MAU2: variants seen among roughly 807,000 people sequenced by gnomAD.
MAU2 encodes the protein MAU2 sister chromatid cohesion factor.
A neutral mutation model predicts 89.1 loss-of-function variants in MAU2; 9 were observed. That is an observed-to-expected ratio of 0.10 (90% confidence interval 0.06 to 0.18). MAU2 has a LOEUF of 0.18. MAU2 is among the 10% of genes least tolerant of loss of function. The pLI, the probability that MAU2 is intolerant of heterozygous loss-of-function variation, is 1.00. For missense variants in MAU2, 425 were observed against 803.5 expected (o/e 0.53, Z 5.69); for synonymous variants, 357 against 343.4 (o/e 1.04, Z -0.44).
At chr19:19,355,199 C>G (rs2048163677) in intron 17 of MAU2, 65 bp from the exon 18 acceptor site, 1 of 1,603,400 alleles carries the variant, frequency 6.2e-7, no homozygotes, top group African/African-American at 1.3e-5. Context: ...TCCATCTGCA[C>G]CGAGTGGGAG....
chr19:19,355,826 C>A lies in MAU2; in HGVS notation c.*44C>A. 6.5e-7 allele frequency: 1 copy of A among 1,549,752 alleles called. No individual in the cohort carries two copies. The highest frequency in any genetic ancestry group is 1.1e-5 in the South Asian group (1 of 90,082). On this transcript the variant is annotated 3_prime_UTR_variant, in exon 19 of 19. Coordinates refer to ENST00000262815, the MANE Select transcript of MAU2 (RefSeq NM_015329.4). ...CAGCTCCGCAGGGCCTGCGCGTCTCCGGCTTCCACCCAGACGGCACTCAAG... is the reference window on the plus strand; with the variant it reads ...CAGCTCCGCAGGGCCTGCGCGTCTCAGGCTTCCACCCAGACGGCACTCAAG...
rs560689514 is a variant in MAU2 at position 19,326,702 on chromosome 19, G to GTATATA, written c.276+5580_276+5585dup. ...CTGTCTCAAAAAAAAATATATATAT[G>GTATATA]TATATATATATATATATACATATAT... is the stretch of plus-strand genomic sequence containing the variant. On this transcript the variant is annotated intron_variant, in intron 1 of 18. Transcript: ENST00000262815. 6.1e-4 allele frequency among the ~76,000 whole-genome samples: 30 copies of GTATATA among 49,202 alleles called. 2 individuals are homozygous for GTATATA. The highest frequency in any genetic ancestry group is 1.2e-3 in the Non-Finnish European group (24 of 20,072). The allele number at this position is 49,202 out of a possible 152,430, so 32.3% of individuals were successfully genotyped here.
At chr19:19,354,582 G>T in intron 17 of MAU2, 137 bp downstream of exon 17, 1 of 737,950 alleles carries the variant, frequency 1.4e-6, no homozygotes, top group Non-Finnish European at 2.3e-6. Context: ...GCATGGGTAG[G>T]GGGTGCTCCT....
chr19:19,331,039 C>T (rs925680823), intron 1 of MAU2, among the ~76,000 whole-genome samples: 1 of 152,126 alleles, frequency 6.6e-6, no homozygotes, highest in African/African-American at 2.4e-5. Flanking sequence ...AACCTGTTGG[C>T]CCTGTTGCAA....
At chr19:19,349,041 T>G in intron 14 of MAU2, 103 bp downstream of exon 14, 2 of 1,552,548 alleles carry the variant, frequency 1.3e-6, no homozygotes, top group South Asian at 2.3e-5. Context: ...ATACCCCTCC[T>G]CACAGACAGT....
chr19:19,334,413 C>T, intron 1 of MAU2: 1 of 985,744 alleles, frequency 1.0e-6, no homozygotes. Context: ...GCAGTAGCTG[C>T]TCTCGATGCA....
At chr19:19,324,543 A>G (rs1265499257) in intron 1 of MAU2, among the ~76,000 whole-genome samples, 1 of 152,204 alleles carries the variant, frequency 6.6e-6, no homozygotes, top group Non-Finnish European at 1.5e-5. Context: ...GGCAGTGGCT[A>G]ATAGTCACTG....
At chr19:19,351,168 G>C (rs1292627455) in intron 16 of MAU2, among the ~76,000 whole-genome samples, 2 of 151,890 alleles carry the variant, frequency 1.3e-5, no homozygotes, top group Admixed American at 1.3e-4. Flanking sequence ...TCCCACCTCA[G>C]CCTCCCAAGT....
intron 5 of MAU2, among the ~76,000 whole-genome samples, chr19:19,339,983 G>A (rs2061628131): frequency 6.6e-6 from 1 of 151,418 alleles, no homozygotes; most frequent in Admixed American, 6.6e-5. Context: ...CCTGTGAATG[G>A]TGAAACCCCG....
rs370816857 is a variant in MAU2 at position 19,356,428 on chromosome 19, G to A, written c.*646G>A. The A allele has an allele frequency of 7.6e-6, 2 of 263,180 alleles. No individual in the cohort carries two copies. Among genetic ancestry groups the A allele is most frequent in the South Asian group, 7.9e-5 (2 of 25,374 alleles). The allele number at this position is 263,180 out of a possible 1,614,324, so 16.3% of individuals were successfully genotyped here. On this transcript the variant is annotated 3_prime_UTR_variant, in exon 19 of 19. Coordinates refer to ENST00000262815, the MANE Select transcript of MAU2 (RefSeq NM_015329.4). ...GCACCTTGACCGGACTCGCCATCCC[G>A]CCGTGGGGGTGCAGGTGATTGTAAA...
At chr19:19,344,952 G>C (rs374459100) in intron 11 of MAU2, 26 bp downstream of exon 11, 1 of 1,606,508 alleles carries the variant, frequency 6.2e-7, no homozygotes, top group Non-Finnish European at 8.5e-7. Flanking sequence ...ACAACACCCC[G>C]GGAGAATCCA....
intron 16 of MAU2, among the ~76,000 whole-genome samples, chr19:19,352,064 G>A (rs912867537): frequency 6.6e-6 from 1 of 151,930 alleles, no homozygotes; most frequent in African/African-American, 2.4e-5. Flanking sequence ...GGCCAGGCTT[G>A]TCTCAAACTC....
At chr19:19,350,849 G>A (rs1324236289) in intron 16 of MAU2, among the ~76,000 whole-genome samples, 3 of 150,070 alleles carry the variant, frequency 2.0e-5, no homozygotes, top group Admixed American at 6.7e-5. Flanking sequence ...GCAGTGAGCC[G>A]AGATCCCACC....
rs372092931 is a variant in MAU2, at chr19:19,347,273, A to C, written c.1222-7A>C. ...CAGCCCCCTAATGTCCCCGCCTCCCATTCCAGCTCACCAACCACCAGGAGC... is the reference window on the plus strand; with the variant it reads ...CAGCCCCCTAATGTCCCCGCCTCCCCTTCCAGCTCACCAACCACCAGGAGC... On this transcript the variant is annotated splice_polypyrimidine_tract_variant and splice_region_variant and intron_variant, in intron 12 of 18. Coordinates refer to ENST00000262815, the MANE Select transcript of MAU2 (RefSeq NM_015329.4). 6.2e-7 allele frequency: 1 copy of C among 1,611,778 alleles called. No individual in the cohort carries two copies. Among genetic ancestry groups the C allele is most frequent in the Non-Finnish European group, 8.5e-7 (1 of 1,178,110 alleles).
intron 1 of MAU2, among the ~76,000 whole-genome samples, chr19:19,326,706 A>ATATATATATACACGTG (rs1555792839): frequency 1.1e-5 from 1 of 86,986 alleles, no homozygotes; most frequent in Non-Finnish European, 2.6e-5. Context: ...ATATATGTAT[A>ATATATATATACACGTG]TATATATATA....
chr19:19,320,915 C>G lies in MAU2; in HGVS notation c.56C>G (p.Ala19Gly). Residue 19 changes from alanine to glycine, a missense_variant, in exon 1 of 19, where the codon GCC (alanine) becomes GGC (glycine). By Grantham distance (60) the Ala-to-Gly change is moderately conservative. Coordinates refer to ENST00000262815, the MANE Select transcript of MAU2 (RefSeq NM_015329.4). Reference protein sequence around the residue: ...AQAAAAQAAQAEAADSWYLAL... With the variant: ...AQAAAAQAAQGEAADSWYLAL... ...GCGGCGGCGGCCCAGGCTGCGCAGG[C>G]CGAGGCGGCCGACTCGTGGTACCTG... 6.4e-7 allele frequency: 1 copy of G among 1,556,308 alleles called. No individual in the cohort carries two copies.
At chr19:19,347,429 G>GACAACCCCC in intron 13 of MAU2, 63 bp downstream of exon 13, 1 of 1,383,390 alleles carries the variant, frequency 7.2e-7, no homozygotes, top group Non-Finnish European at 1.0e-6. Flanking sequence ...GGGGAACCAG[G>GACAACCCCC]GGGTTGTCCT....
rs1158128453 is a variant in MAU2 at position 19,320,995 on chromosome 19, C to T, written c.136C>T (p.Leu46=). 29 of 1,610,286 alleles carry T rather than the reference C, an allele frequency of 1.8e-5. 1 individual carries two copies. Among genetic ancestry groups the T allele is most frequent in the Non-Finnish European group, 8.5e-7 (1 of 1,178,442 alleles). The change falls in exon 1 of 19, where the codon CTG becomes TTG. Residue 46 remains leucine (L), a synonymous_variant. Coordinates refer to ENST00000262815, the MANE Select transcript of MAU2 (RefSeq NM_015329.4). ...CACTTCCAGCCCGCCCAAAATCCGCCTGTGCGTGCACTGCCTGCAGGCCGT... is the reference window on the plus strand; with the variant it reads ...CACTTCCAGCCCGCCCAAAATCCGCTTGTGCGTGCACTGCCTGCAGGCCGT... The part of the protein sequence containing the change: ...FRTSSPPKIR[L]CVHCLQAVFP...
chr19:19,348,893 A>G lies in MAU2; in HGVS notation c.1313A>G (p.Tyr438Cys), dbSNP rs1401489848. 5 of 1,613,824 alleles carry G rather than the reference A, an allele frequency of 3.1e-6. No individual in the cohort carries two copies. Among genetic ancestry groups the G allele is most frequent in the Non-Finnish European group, 4.2e-6 (5 of 1,179,992 alleles). Residue 438 changes from tyrosine (Y) to cysteine (C), a missense_variant, in exon 14 of 19, where the codon TAC becomes TGC. By Grantham distance (194) the Tyr-to-Cys change is radical. Transcript: ENST00000262815. ...REGNRHQEVL[Y>C]SLLERINPDH... ...GACTGGCTCTTTCCCCCGCAGCTCT[A>G]CAGTCTGCTGGAGAGGATCAACCCG...
Sources: gnomAD v4.1 joint callset for allele counts (sites outside exome capture counted in the v4.1 genomes callset) on GRCh38, gnomAD v4.1.1 for gene constraint, MANE v1.5 for transcripts, NCBI Gene and HGNC (gene_info 2026-07-23, HGNC 2026-07-21) for gene names.